The following SCARF2 variants were observed in gnomAD, a reference collection of about 807,000 sequenced individuals.
SCARF2 encodes the protein scavenger receptor class F member 2.
In SCARF2, 39 loss-of-function variants were observed where a neutral mutation model predicts 73.4. That is an observed-to-expected ratio of 0.53 (90% CI 0.41 to 0.69). SCARF2 has a LOEUF of 0.69. Among genes scored for constraint, SCARF2 ranks in the 30% least tolerant of loss-of-function variants. SCARF2 has a pLI of 0.00. For synonymous variants in SCARF2, 605 were observed against 590.0 expected, an observed-to-expected ratio of 1.03 and a Z score of -0.37; for missense variants, 1,148 against 1,303.5, an observed-to-expected ratio of 0.88 and a Z score of 1.84.
chr22:20,430,642 C>T, intron 5 of SCARF2, 48 bp downstream of exon 5: 1 of 1,601,720 alleles, frequency 6.2e-7, no homozygotes. Context: ...GTTAGGGAGG[C>T]AGGGCGGGGG....
chr22:20,430,972 C>T (rs2052638441), intron 4 of SCARF2, 46 bp downstream of exon 4: 1 of 1,564,164 alleles, frequency 6.4e-7, no homozygotes, highest in Non-Finnish European at 8.6e-7. Flanking sequence ...CCATCGGCGG[C>T]CCGCCCTTCC....
In SCARF2 at chr22:20,424,973, G is replaced by T; in HGVS notation, c.*402C>A. On this transcript the variant is annotated 3_prime_UTR_variant, in exon 11 of 11. Coordinates refer to ENST00000622235, the MANE Select transcript of SCARF2 (RefSeq NM_182895.5). ...CCAGAGGCACCAGGCCCTAGCGGGGGAGAGGCAGCCCGGGCAGAAGTGCCT... is the reference window on the plus strand; with the variant it reads ...CCAGAGGCACCAGGCCCTAGCGGGGTAGAGGCAGCCCGGGCAGAAGTGCCT... 1 of 174,274 alleles carries T rather than the reference G, an allele frequency of 5.7e-6. No homozygotes were observed. The highest frequency in any genetic ancestry group is 1.5e-4 in the East Asian group (1 of 6,766). The allele number at this position is 174,274 out of a possible 1,614,324, so 10.8% of individuals were successfully genotyped here.
chr22:20,429,764 G>A lies in SCARF2; in HGVS notation c.1272C>T (p.Asp424=). 7.4e-6 allele frequency: 12 copies of A among 1,613,702 alleles called. No homozygotes were observed. Among genetic ancestry groups the A allele is most frequent in the Non-Finnish European group, 1.0e-5 (12 of 1,179,954 alleles). ...AGGCACCAGTGACCGGGTCGCACGT[G>A]TCCTCGTGGCAGCTGCAGGCCTGAG... ...DCAQACSCHE[D]TCDPVTGACH... is the part of the protein sequence containing the mutation. The change falls in exon 7 of 11, where the codon GAC becomes GAT. Residue 424 remains aspartate (D), a synonymous_variant. Transcript: ENST00000622235. The surrounding 1 kb of genome is among the most constrained non-coding windows in gnomAD (Gnocchi z 5.2).
Position 20,425,814 on chromosome 22 carries a change from G to A in SCARF2, c.2162C>T (p.Pro721Leu). The stretch of plus-strand genomic sequence containing the variant: ...CTCCTCGGGCAGCCCGGGGGGCCGC[G>A]GCGTTGGGTCGCGGGTCCGGGGGCT... The part of the protein sequence containing the change: ...HGSPRTRDPT[P>L]RPPGLPEEAT... The change falls in exon 11 of 11, where the codon CCG becomes CTG. Residue 721 changes from proline to leucine, a missense_variant. By Grantham distance (98) the Pro-to-Leu change is moderately conservative. Transcript: ENST00000622235. The surrounding 1 kb of genome is among the most constrained non-coding windows in gnomAD (Gnocchi z 4.6). 6.5e-7 allele frequency: 1 copy of A among 1,531,506 alleles called. No individual in the cohort carries two copies. The allele number at this position is 1,531,506 out of a possible 1,614,324, so 94.9% of individuals were successfully genotyped here.
rs754436179 is a variant in SCARF2 at position 20,425,421 on chromosome 22, C to A, written c.2555G>T (p.Arg852Leu). Residue 852 changes from arginine to leucine, a missense_variant, in exon 11 of 11, where the codon CGG (arginine) becomes CTG (leucine). This residue lies in a region of SCARF2 where 169 missense variants were observed against 136.9 expected (regional missense o/e 1.23). Coordinates refer to ENST00000622235, the MANE Select transcript of SCARF2 (RefSeq NM_182895.5). The surrounding 1 kb of genome is among the most constrained non-coding windows in gnomAD (Gnocchi z 4.6). ...CCTGCCCAGCTCGCCCGCCGCCTCC[C>A]GGCTCTTCTTGCGCGGCGGCTTCTG... Reference protein sequence around the residue: ...PIQKPPRKKSREAAGELGRAG... With the variant: ...PIQKPPRKKSLEAAGELGRAG... The A allele has an allele frequency of 7.0e-7, 1 of 1,432,046 alleles. No individual in the cohort carries two copies. 88.7% of individuals were successfully genotyped at this position (1,432,046 alleles called of 1,614,324 possible).
chr22:20,430,069 G>A (rs2052625413), intron 6 of SCARF2: 2 of 616,722 alleles, frequency 3.2e-6, no homozygotes, highest in Non-Finnish European at 5.7e-6. Flanking sequence ...GATAGGACCC[G>A]TGGTGGCCGC....
chr22:20,425,615 G>A lies in SCARF2; in HGVS notation c.2361C>T (p.Ala787=). ...KTRSLGRAEV[A]LGAQGPREKP... is the part of the protein sequence containing the mutation. The stretch of plus-strand genomic sequence containing the variant: ...TTTCCCTGGGGCCCTGCGCGCCCAG[G>A]GCCACCTCGGCGCGGCCCAGGCTGC... The change falls in exon 11 of 11, where the codon GCC becomes GCT. Residue 787 remains alanine (A), a synonymous_variant. Transcript: ENST00000622235. The surrounding 1 kb of genome is among the most constrained non-coding windows in gnomAD (Gnocchi z 4.6). The A allele has an allele frequency of 1.5e-6, 2 of 1,322,096 alleles. No individual in the cohort carries two copies. The highest frequency in any genetic ancestry group is 1.9e-6 in the Non-Finnish European group (2 of 1,038,192). 81.9% of individuals were successfully genotyped at this position (1,322,096 alleles called of 1,614,324 possible).
chr22:20,425,895 G>C lies in SCARF2; in HGVS notation c.2081C>G (p.Pro694Arg). Residue 694 changes from proline to arginine, a missense_variant, in exon 11 of 11, where the codon CCC (proline) becomes CGC (arginine). By Grantham distance (103) the Pro-to-Arg change is moderately radical. Transcript: ENST00000622235. This position sits in a 1 kb window ranked among gnomAD's most constrained non-coding sequence, Gnocchi z 4.6. ...PPPGSEAAPSPSKRKRTPSDK... is the reference protein window; with the variant it reads ...PPPGSEAAPSRSKRKRTPSDK... ...GCTGGGCGTCCGTTTCCTCTTGCTG[G>C]GGCTGGGCGCGGCCTCGGAGCCTGG... is the stretch of plus-strand genomic sequence containing the variant. 6.3e-7 allele frequency: 1 copy of C among 1,598,628 alleles called. No homozygotes were observed. The highest frequency in any genetic ancestry group is 1.1e-5 in the South Asian group (1 of 89,532).
chr22:20,431,883 A>AGGGCCG, intron 2 of SCARF2, 37 bp from the exon 3 acceptor site: 1 of 1,530,510 alleles, frequency 6.5e-7, no homozygotes, highest in Non-Finnish European at 9.0e-7. Flanking sequence ...TGCGCGTCCT[A>AGGGCCG]GCCCCGCCCC....
intron 1 of SCARF2, among the ~76,000 whole-genome samples, chr22:20,435,167 T>A (rs1047935679): frequency 1.1e-4 from 15 of 133,070 alleles, no homozygotes; most frequent in African/African-American, 3.8e-4. Context: ...CTGCCTCAGA[T>A]AACCCTGCCT....
chr22:20,426,228 G>A lies in SCARF2; in HGVS notation c.1748C>T (p.Pro583Leu), dbSNP rs1364552402. Residue 583 changes from proline to leucine, a missense_variant, in exon 11 of 11, where the codon CCG becomes CTG. Coordinates refer to ENST00000622235, the MANE Select transcript of SCARF2 (RefSeq NM_182895.5). ...GGTCAAGGGCACAGGGGACGGCGCC[G>A]GCGCCTCGGCAGGGACAGTGGGGAC... The part of the protein sequence containing the change: ...PEVPTVPAEA[P>L]APSPVPLTTP... 3 of 1,534,278 alleles carry A rather than the reference G, an allele frequency of 2.0e-6. No individual in the cohort carries two copies. Among genetic ancestry groups the A allele is most frequent in the South Asian group, 2.4e-5 (2 of 83,702 alleles).
intron 1 of SCARF2, among the ~76,000 whole-genome samples, chr22:20,434,731 G>A (rs927524280): frequency 2.0e-5 from 3 of 152,200 alleles, no homozygotes; most frequent in Admixed American, 1.3e-4. Flanking sequence ...AAGACATGCC[G>A]TAGGCTTCTC....
intron 3 of SCARF2, 80 bp downstream of exon 3, chr22:20,431,665 A>ACCCCG: frequency 1.3e-6 from 2 of 1,505,852 alleles, no homozygotes; most frequent in Non-Finnish European, 1.8e-6. Context: ...GGCGGATCCG[A>ACCCCG]CCCCGCCCCA....
intron 9 of SCARF2, among the ~76,000 whole-genome samples, chr22:20,428,460 A>G (rs2052605149): frequency 6.6e-6 from 1 of 151,956 alleles, no homozygotes; most frequent in Non-Finnish European, 1.5e-5. Context: ...ATGCGCCACC[A>G]CACCCGGCTA....
intron 1 of SCARF2, among the ~76,000 whole-genome samples, chr22:20,432,554 C>T (rs117270843): frequency 6.6e-6 from 1 of 152,216 alleles, no homozygotes; most frequent in East Asian, 1.9e-4. Context: ...GTGAGGTGAC[C>T]ACTTGGCAGA....
At chr22:20,428,164 TCTTG>T (rs1395501601) in intron 9 of SCARF2, among the ~76,000 whole-genome samples, 1 of 152,162 alleles carries the variant, frequency 6.6e-6, no homozygotes, top group Non-Finnish European at 1.5e-5. Context: ...GTTTTCTCTC[TCTTG>T]CTTGCTTGCT....
At chr22:20,436,230 A>G (rs1237763959) in intron 1 of SCARF2, among the ~76,000 whole-genome samples, 1 of 152,210 alleles carries the variant, frequency 6.6e-6, no homozygotes, top group Non-Finnish European at 1.5e-5. Context: ...GGAGGTCTGC[A>G]GACCAGGGGA....
At position 20,425,452 on chromosome 22, in the gene SCARF2, G is replaced by T. The variant is rs1202118243; in HGVS notation, c.2524C>A (p.Pro842Thr). The change falls in exon 11 of 11, where the codon CCC becomes ACC. Residue 842 changes from proline (P) to threonine (T), a missense_variant. This residue lies in a region of SCARF2 where 169 missense variants were observed against 136.9 expected (regional missense o/e 1.23). Transcript: ENST00000622235. This position sits in a 1 kb window ranked among gnomAD's most constrained non-coding sequence, Gnocchi z 4.6. ...PAPETPRKKT[P>T]IQKPPRKKSR... ...TTCTTGCGCGGCGGCTTCTGGATGGGGGTCTTCTTCCGGGGGGTCTCAGGC... is the reference window on the plus strand; with the variant it reads ...TTCTTGCGCGGCGGCTTCTGGATGGTGGTCTTCTTCCGGGGGGTCTCAGGC... 1 of 1,421,250 alleles carries T rather than the reference G, an allele frequency of 7.0e-7. No homozygotes were observed. The highest frequency in any genetic ancestry group is 2.5e-5 in the Admixed American group (1 of 39,784). 88.0% of individuals were successfully genotyped at this position (1,421,250 alleles called of 1,614,324 possible).
intron 6 of SCARF2, 55 bp downstream of exon 6, chr22:20,430,374 C>G: frequency 6.5e-7 from 1 of 1,549,944 alleles, no homozygotes; most frequent in Non-Finnish European, 8.7e-7. Context: ...TCGGCTGGAC[C>G]CCCCTCTGTG....
Sources: allele counts gnomAD v4.1 joint callset (sites outside exome capture counted in the v4.1 genomes callset), GRCh38; gene constraint gnomAD v4.1.1; regional missense constraint gnomAD v4.1.1; non-coding constraint Gnocchi (gnomAD v3.1); transcripts MANE v1.5; gene names NCBI Gene and HGNC (gene_info 2026-07-23, HGNC 2026-07-21).